Variants in RBBP8NL observed in about 807,000 individuals in gnomAD.
The protein encoded by RBBP8NL is RBBP8 N-terminal like.
In RBBP8NL, 59 loss-of-function variants were observed where a neutral mutation model predicts 62.2. That is an observed-to-expected ratio of 0.95 (90% CI 0.77 to 1.18). The LOEUF is 1.18. RBBP8NL is among the 50% of genes most tolerant of loss of function. The probability of loss-of-function intolerance (pLI) is 0.00; values close to 1 mark genes in which losing one functional copy is unlikely to be tolerated. For synonymous variants in RBBP8NL, 412 were observed against 394.1 expected (o/e 1.05, Z -0.54); for missense variants, 896 against 899.5 (o/e 1.00, Z 0.05).
At chr20:62,417,533 T>C in intron 3 of RBBP8NL, among the ~76,000 whole-genome samples, 1 of 71,708 alleles carries the variant, frequency 1.4e-5, no homozygotes, top group African/African-American at 5.6e-5. Context: ...CACGCTCCTC[T>C]GTGACGTCTG....
In RBBP8NL at chr20:62,416,823, T is replaced by C. The variant is rs1053796748; in HGVS notation, c.250A>G (p.Arg84Gly). The C allele has an allele frequency of 1.1e-5, 17 of 1,586,712 alleles. No homozygotes were observed. Among genetic ancestry groups the C allele is most frequent in the Admixed American group, 3.5e-5 (2 of 56,758 alleles). ...CTCTCGAACTCCTGCTGCCGCTTCC[T>C]GGCCAGCTCCTGGGTGACCATGCAG... is the stretch of plus-strand genomic sequence containing the variant. ...DRCMVTQELA[R>G]KRQQEFESSH... The change falls in exon 5 of 14, where the codon AGG (arginine) becomes GGG (glycine). Residue 84 changes from arginine to glycine, a missense_variant. By Grantham distance (125) the Arg-to-Gly change is moderately radical (BLOSUM62 -2). Coordinates refer to ENST00000252998, the MANE Select transcript of RBBP8NL (RefSeq NM_080833.3).
At position 62,414,357 on chromosome 20, in the gene RBBP8NL, C is replaced by A; in HGVS notation, c.994G>T (p.Glu332Ter). Residue 332 changes from glutamate (E) to a stop codon, truncating the protein, a stop_gained, in exon 10 of 14, where the codon GAG (glutamate) becomes TAG (stop). Coordinates refer to ENST00000252998, the MANE Select transcript of RBBP8NL (RefSeq NM_080833.3). LOFTEE classifies it high-confidence loss of function. Reference sequence around the variant, plus strand: ...GGCAGCCCCAGCAGTTCTGTGGGCTCCTCCCAGGCCTCTGCTTCTCTGGCC... The same window carrying A: ...GGCAGCCCCAGCAGTTCTGTGGGCTACTCCCAGGCCTCTGCTTCTCTGGCC... Reference protein sequence around the residue: ...LKAREAEAWEEPTELLGLPSA... With the variant: ...LKAREAEAWE The A allele has an allele frequency of 6.5e-7, 1 of 1,549,652 alleles. No homozygotes were observed.
intron 1 of RBBP8NL, among the ~76,000 whole-genome samples, chr20:62,423,830 A>G (rs1389408354): frequency 6.6e-6 from 1 of 151,838 alleles, no homozygotes; most frequent in African/African-American, 2.4e-5. Flanking sequence ...TTTTGGGGAG[A>G]AGAAATGAAC....
intron 10 of RBBP8NL, 117 bp downstream of exon 10, chr20:62,413,704 G>T: frequency 7.0e-7 from 1 of 1,429,704 alleles, no homozygotes; most frequent in East Asian, 2.4e-5. Flanking sequence ...CTTTCTCCCT[G>T]GGAAACAACT....
chr20:62,419,155 T>C (rs1988645520), intron 2 of RBBP8NL, among the ~76,000 whole-genome samples: 1 of 152,174 alleles, frequency 6.6e-6, no homozygotes, highest in Non-Finnish European at 1.5e-5. Flanking sequence ...CATAAGCTCC[T>C]GTTTCTGGAA....
chr20:62,417,191 T>A (rs1223988008), intron 4 of RBBP8NL, 33 bp downstream of exon 4: 2 of 1,528,300 alleles, frequency 1.3e-6, no homozygotes, highest in Non-Finnish European at 1.8e-6. Context: ...CCACCGGTCC[T>A]GGCCATGCTG....
intron 1 of RBBP8NL, among the ~76,000 whole-genome samples, chr20:62,422,246 C>T (rs764155977): frequency 5.3e-5 from 8 of 152,158 alleles, no homozygotes; most frequent in African/African-American, 1.7e-4. Context: ...AGCCTGGAGA[C>T]GCCCACGTGA....
chr20:62,425,202 T>A (rs1290800541), intron 1 of RBBP8NL, among the ~76,000 whole-genome samples: 1 of 152,172 alleles, frequency 6.6e-6, no homozygotes, highest in Non-Finnish European at 1.5e-5. Context: ...GAGACCCCGA[T>A]TCACCTGCGC....
At chr20:62,421,019 G>A (rs1390561170) in intron 1 of RBBP8NL, among the ~76,000 whole-genome samples, 2 of 152,068 alleles carry the variant, frequency 1.3e-5, no homozygotes, top group Non-Finnish European at 2.9e-5. Context: ...GAGCCTGGGG[G>A]CGCTGTGACT....
rs1321653435 is a variant in RBBP8NL, at chr20:62,414,408, TG to T, written c.942del (p.Ser315AlafsTer8). ...TTCAGGTCCTGGAGCCGGGGGTCGCTGGGGGCTGCAGCAGGGGCCAGGGGGC... is the reference window on the plus strand; with the variant it reads ...TTCAGGTCCTGGAGCCGGGGGTCGCTGGGGCTGCAGCAGGGGCCAGGGGGC... ...HSSPLAPAAA[P>X]SDPRLQDLKA... On this transcript the variant is annotated frameshift_variant, in exon 10 of 14. Coordinates refer to ENST00000252998, the MANE Select transcript of RBBP8NL (RefSeq NM_080833.3). LOFTEE classifies it high-confidence loss of function. 2.6e-6 allele frequency: 4 copies of T among 1,535,046 alleles called. No individual in the cohort carries two copies. Among genetic ancestry groups the T allele is most frequent in the South Asian group, 1.2e-5 (1 of 83,384 alleles).
At chr20:62,416,294 T>TGGGGTGGGGGGGCTGGGGGGGGGGGGG in intron 5 of RBBP8NL, 58 bp from the exon 6 acceptor site, 1 of 515,306 alleles carries the variant, frequency 1.9e-6, no homozygotes, top group Non-Finnish European at 3.8e-6. Context: ...GGGGCAGGGG[T>TGGGGTGGGGGGGCTGGGGGGGGGGGGG]GGGGTCGTCA....
chr20:62,410,804 G>A lies in RBBP8NL; in HGVS notation c.*74C>T, dbSNP rs945037054. The A allele has an allele frequency of 8.0e-5, 80 of 993,920 alleles. No individual in the cohort carries two copies. Among genetic ancestry groups the A allele is most frequent in the Non-Finnish European group, 1.2e-4 (78 of 641,342 alleles). The allele number at this position is 993,920 out of a possible 1,614,324, so 61.6% of individuals were successfully genotyped here. ...TGCAGGGCTGCCTGCTGGTTGGATG[G>A]TGTGCCCTCTCCAGGCCCTGGTGGG... On this transcript the variant is annotated 3_prime_UTR_variant, in exon 14 of 14. Coordinates refer to ENST00000252998, the MANE Select transcript of RBBP8NL (RefSeq NM_080833.3).
intron 3 of RBBP8NL, 79 bp downstream of exon 3, chr20:62,418,344 G>T: frequency 7.4e-7 from 1 of 1,345,736 alleles, no homozygotes; most frequent in Non-Finnish European, 1.0e-6. Context: ...CGGTGGTAGT[G>T]CTGGCACACT....
rs1361614949 is a variant in RBBP8NL, at chr20:62,410,635, C to T, written c.*243G>A. The T allele has an allele frequency of 1.7e-5, 9 of 539,672 alleles. No individual in the cohort carries two copies. Among genetic ancestry groups the T allele is most frequent in the Non-Finnish European group, 2.9e-5 (9 of 307,170 alleles). The allele number at this position is 539,672 out of a possible 1,614,324, so 33.4% of individuals were successfully genotyped here. A position where few individuals can be genotyped will look rare whatever the true frequency, so the allele number is the denominator to read the frequency against. ...TCCTCCAGCCCCTCTTGAAGTGGGC[C>T]AGGATGTGCCCGTCACCGGCTCTTC... On this transcript the variant is annotated 3_prime_UTR_variant, in exon 14 of 14. Coordinates refer to ENST00000252998, the MANE Select transcript of RBBP8NL (RefSeq NM_080833.3).
intron 3 of RBBP8NL, 26 bp downstream of exon 3, chr20:62,418,397 G>A (rs1314018378): frequency 7.7e-6 from 12 of 1,549,384 alleles, no homozygotes; most frequent in Non-Finnish European, 1.0e-5. Context: ...TCCCTGTGAG[G>A]AGGGGCCCTG....
At chr20:62,412,943 C>T (rs201994209) in intron 11 of RBBP8NL, 43 bp from the exon 12 acceptor site, 962 of 1,603,534 alleles carry the variant, frequency 6.0e-4, no homozygotes, top group Non-Finnish European at 7.6e-4. Context: ...CTGGTGGCAC[C>T]GGGAGTCTCC....
At chr20:62,414,959 G>GGT (rs940598819) in intron 9 of RBBP8NL, among the ~76,000 whole-genome samples, 162 bp downstream of exon 9, 1 of 152,226 alleles carries the variant, frequency 6.6e-6, no homozygotes, top group African/African-American at 2.4e-5. Flanking sequence ...CCACTCTGGA[G>GGT]GTGTCCACGT....
At chr20:62,424,912 C>T (rs1328475886) in intron 1 of RBBP8NL, among the ~76,000 whole-genome samples, 1 of 152,102 alleles carries the variant, frequency 6.6e-6, no homozygotes, top group Non-Finnish European at 1.5e-5. Context: ...CTGGCTGGGG[C>T]GGGGCAGGGG....
rs1215643318 is a variant in RBBP8NL, at chr20:62,417,434, GGCAACGC to G, written c.105-122_105-116del. ...TCGGCACCTGCAGCCTTGGTCTGGG[GGCAACGC>G]CTAACCCGGTGCCCCCCTCCCAGTC... On this transcript the variant is annotated intron_variant, in intron 3 of 13. Transcript: ENST00000252998. The G allele has an allele frequency of 5.8e-4, 447 of 769,168 alleles. 5 individuals carry two copies. The African/African-American group carries it at 6.8e-3, about 12-fold the overall frequency. The allele number at this position is 769,168 out of a possible 1,614,324, so 47.6% of individuals were successfully genotyped here. A position where few individuals can be genotyped will look rare whatever the true frequency, so the allele number is the denominator to read the frequency against.
Sources: allele counts gnomAD v4.1 joint callset (sites outside exome capture counted in the v4.1 genomes callset), GRCh38; gene constraint gnomAD v4.1.1; transcripts MANE v1.5; gene names NCBI Gene and HGNC (gene_info 2026-07-23, HGNC 2026-07-21).